HBM: variants seen among roughly 807,000 people sequenced by gnomAD.
The protein encoded by HBM is alpha globin pseudogene 2.
Under a neutral mutation model 12.8 loss-of-function variants are expected in HBM, and 9 were observed. The observed-to-expected ratio is 0.70, with a 90% confidence interval of 0.42 to 1.23. HBM has a LOEUF of 1.23. HBM is among the 50% of genes most tolerant of loss of function. The pLI is 0.00. For synonymous variants in HBM, 100 were observed against 92.0 expected (o/e 1.09, Z -0.50); for missense variants, 214 against 195.4 (o/e 1.10, Z -0.57).
intron 1 of HBM, 29 bp downstream of exon 1, chr16:166,118 C>G: frequency 1.3e-6 from 2 of 1,562,636 alleles, no homozygotes; most frequent in South Asian, 1.1e-5. Context: ...TCCGGGAGCT[C>G]AGGGAGGTGG....
In HBM at chr16:166,075, G is replaced by T. The variant is rs1165576652; in HGVS notation, c.78G>T (p.Ala26=). Residue 26 remains alanine (A), a synonymous_variant, in exon 1 of 3, where the codon GCG becomes GCT. Transcript: ENST00000356815. ...LIAGHEAQFG[A]ELLLRLFTVY... ...CGGGCCACGAGGCGCAATTCGGGGC[G>T]GAGCTGCTGCTCAGGTCGGTAGAGG... The T allele has an allele frequency of 6.2e-7, 1 of 1,603,196 alleles. No individual in the cohort carries two copies. The highest frequency in any genetic ancestry group is 1.1e-5 in the South Asian group (1 of 90,350).
chr16:166,635 C>A lies in HBM; in HGVS notation c.353C>A (p.Thr118Asn). ...VLASHLQDEF[T>N]VQMQAAWDKF... ...GCCTCCCACCTGCAGGACGAGTTCA[C>A]CGTGCAAATGCAAGCGGCGTGGGAC... Residue 118 changes from threonine (T) to asparagine (N), a missense_variant, in exon 3 of 3, where the codon ACC becomes AAC. Coordinates refer to ENST00000356815, the MANE Select transcript of HBM (RefSeq NM_001003938.4). The A allele has an allele frequency of 6.2e-7, 1 of 1,614,122 alleles. No individual in the cohort carries two copies. The highest frequency in any genetic ancestry group is 1.1e-5 in the South Asian group (1 of 91,068).
Position 166,678 on chromosome 16 carries a change from G to A in HBM, c.396G>A (p.Val132=), listed in dbSNP as rs150128912. 535 of 1,614,146 alleles carry A rather than the reference G, an allele frequency of 3.3e-4. 1 individual carries two copies. In the African/African-American group the frequency reaches 5.7e-3, roughly 17 times the overall value. ...QAAWDKFLTG[V]AVVLTEKYR is the part of the protein sequence containing the mutation. ...CGTGGGACAAGTTCCTGACTGGTGTGGCCGTGGTGCTGACCGAAAAATACC... is the reference window on the plus strand; with the variant it reads ...CGTGGGACAAGTTCCTGACTGGTGTAGCCGTGGTGCTGACCGAAAAATACC... The change falls in exon 3 of 3, where the codon GTG becomes GTA. Residue 132 remains valine, a synonymous_variant. Transcript: ENST00000356815.
In HBM at chr16:166,383, G is replaced by A; in HGVS notation, c.208G>A (p.Val70Met). 6.4e-7 allele frequency: 1 copy of A among 1,574,140 alleles called. No individual in the cohort carries two copies. The highest frequency in any genetic ancestry group is 1.3e-5 in the African/African-American group (1 of 74,392). The change falls in exon 2 of 3, where the codon GTG (valine) becomes ATG (methionine). Residue 70 changes from valine to methionine, a missense_variant. Transcript: ENST00000356815. ...QRMLAAVGAAVQHVDNLRAAL... is the reference protein window; with the variant it reads ...QRMLAAVGAAMQHVDNLRAAL... ...CATGCTGGCGGCTGTGGGCGCGGCG[G>A]TGCAGCACGTGGACAACCTGCGCGC...
rs1331025844 is a variant in HBM, at chr16:166,309, A to G, written c.134A>G (p.His45Arg). ...CCCAGCACCAAGGTCTACTTCCCGC[A>G]CCTGAGCGCCTGCCAGGACGCGACG... ...VYPSTKVYFP[H>R]LSACQDATQL... Residue 45 changes from histidine (H) to arginine (R), a missense_variant, in exon 2 of 3, where the codon CAC becomes CGC. Coordinates refer to ENST00000356815, the MANE Select transcript of HBM (RefSeq NM_001003938.4). The G allele has an allele frequency of 6.3e-7, 1 of 1,595,170 alleles. No individual in the cohort carries two copies. The highest frequency in any genetic ancestry group is 2.2e-5 in the East Asian group (1 of 44,622).
chr16:166,058 G>C lies in HBM; in HGVS notation c.61G>C (p.Glu21Gln), dbSNP rs565889459. The C allele has an allele frequency of 1.9e-6, 3 of 1,603,662 alleles. No individual in the cohort carries two copies. In the South Asian group the frequency reaches 3.3e-5, roughly 18 times the overall value. ...GGTCTGGGACCTGATTGCGGGCCAC[G>C]AGGCGCAATTCGGGGCGGAGCTGCT... ...AQVWDLIAGH[E>Q]AQFGAELLLR... Residue 21 changes from glutamate (E) to glutamine (Q), a missense_variant, in exon 1 of 3, where the codon GAG (glutamate) becomes CAG (glutamine). Transcript: ENST00000356815.
intron 2 of HBM, 36 bp downstream of exon 2, chr16:166,508 G>A (rs1198232160): frequency 1.3e-6 from 2 of 1,565,902 alleles, no homozygotes; most frequent in East Asian, 2.4e-5. Flanking sequence ...GGTGCAGCGC[G>A]CAGCCGGGGT....
rs1286419629 is a variant in HBM, at chr16:166,277, G to A, written c.102G>A (p.Thr34=). Residue 34 remains threonine (T), a synonymous_variant, in exon 2 of 3, where the codon ACG becomes ACA. Coordinates refer to ENST00000356815, the MANE Select transcript of HBM (RefSeq NM_001003938.4). ...FGAELLLRLF[T]VYPSTKVYFP... is the part of the protein sequence containing the mutation. Reference sequence around the variant, plus strand: ...TGACCTGGTCCTGCAGGCTCTTCACGGTGTACCCCAGCACCAAGGTCTACT... The same window carrying A: ...TGACCTGGTCCTGCAGGCTCTTCACAGTGTACCCCAGCACCAAGGTCTACT... 1.3e-6 allele frequency: 2 copies of A among 1,593,918 alleles called. No individual in the cohort carries two copies. The highest frequency in any genetic ancestry group is 1.7e-6 in the Non-Finnish European group (2 of 1,177,984).
At position 166,368 on chromosome 16, in the gene HBM, G is replaced by T. The variant is rs200995285; in HGVS notation, c.193G>T (p.Ala65Ser). The change falls in exon 2 of 3, where the codon GCT becomes TCT. Residue 65 changes from alanine (A) to serine (S), a missense_variant. Transcript: ENST00000356815. The part of the protein sequence containing the change: ...LLSHGQRMLA[A>S]VGAAVQHVDN... The stretch of plus-strand genomic sequence containing the variant: ...GAGCCACGGGCAGCGCATGCTGGCG[G>T]CTGTGGGCGCGGCGGTGCAGCACGT... 2,176 of 1,584,996 alleles carry T rather than the reference G, an allele frequency of 1.4e-3. 1 individual carries two copies. The highest frequency in any genetic ancestry group is 1.8e-3 in the Admixed American group (107 of 58,280).
At position 166,347 on chromosome 16, in the gene HBM, C is replaced by T. The variant is rs200832843; in HGVS notation, c.172C>T (p.His58Tyr). The T allele has an allele frequency of 1.3e-6, 2 of 1,593,488 alleles. No individual in the cohort carries two copies. Among genetic ancestry groups the T allele is most frequent in the East Asian group, 2.2e-5 (1 of 44,482 alleles). Residue 58 changes from histidine (H) to tyrosine (Y), a missense_variant, in exon 2 of 3, where the codon CAC becomes TAC. His to Tyr is a moderately conservative substitution (Grantham distance 83). Transcript: ENST00000356815. ...CCAGGACGCGACGCAGCTGCTGAGC[C>T]ACGGGCAGCGCATGCTGGCGGCTGT... Reference protein sequence around the residue: ...ACQDATQLLSHGQRMLAAVGA... With the variant: ...ACQDATQLLSYGQRMLAAVGA...
chr16:166,746 TAAAC>T lies in HBM; in HGVS notation c.*40_*43del. 1.2e-6 allele frequency: 2 copies of T among 1,610,126 alleles called. No individual in the cohort carries two copies. The highest frequency in any genetic ancestry group is 1.7e-6 in the Non-Finnish European group (2 of 1,178,046). Reference sequence around the variant, plus strand: ...GCAGGCCTTGGTCTGTGCCTGTCAATAAACAGAGGCCCGAACCATCTGCCCCTGC... The same window carrying T: ...GCAGGCCTTGGTCTGTGCCTGTCAATAGAGGCCCGAACCATCTGCCCCTGC... On this transcript the variant is annotated 3_prime_UTR_variant, in exon 3 of 3. Coordinates refer to ENST00000356815, the MANE Select transcript of HBM (RefSeq NM_001003938.4).
rs199586666 is a variant in HBM at position 166,637 on chromosome 16, G to A, written c.355G>A (p.Val119Met). 4.3e-5 allele frequency: 70 copies of A among 1,614,102 alleles called. No individual in the cohort carries two copies. In the Admixed American group the frequency reaches 7.2e-4, roughly 17 times the overall value. ...LASHLQDEFT[V>M]QMQAAWDKFL... is the part of the protein sequence containing the mutation. Reference sequence around the variant, plus strand: ...CTCCCACCTGCAGGACGAGTTCACCGTGCAAATGCAAGCGGCGTGGGACAA... The same window carrying A: ...CTCCCACCTGCAGGACGAGTTCACCATGCAAATGCAAGCGGCGTGGGACAA... Residue 119 changes from valine (V) to methionine (M), a missense_variant, in exon 3 of 3, where the codon GTG (valine) becomes ATG (methionine). Coordinates refer to ENST00000356815, the MANE Select transcript of HBM (RefSeq NM_001003938.4).
In HBM at chr16:166,103, G is replaced by A. The variant is rs767498503; in HGVS notation, c.92+14G>A. 11 of 1,585,030 alleles carry A rather than the reference G, an allele frequency of 6.9e-6. 1 individual carries two copies. In the South Asian group the frequency reaches 1.1e-4, roughly 16 times the overall value. On this transcript the variant is annotated intron_variant, in intron 1 of 2. Transcript: ENST00000356815. ...GCTGCTGCTCAGGTCGGTAGAGGCG[G>A]GGTCTCCGGGAGCTCAGGGAGGTGG...
Position 166,658 on chromosome 16 carries a change from G to A in HBM, c.376G>A (p.Asp126Asn). 1 of 1,614,174 alleles carries A rather than the reference G, an allele frequency of 6.2e-7. No homozygotes were observed. Among genetic ancestry groups the A allele is most frequent in the Non-Finnish European group, 8.5e-7 (1 of 1,180,012 alleles). The change falls in exon 3 of 3, where the codon GAC becomes AAC. Residue 126 changes from aspartate to asparagine, a missense_variant. Physicochemically the swap from Asp to Asn is conservative, Grantham distance 23 (BLOSUM62 1). Transcript: ENST00000356815. ...EFTVQMQAAWDKFLTGVAVVL... is the reference protein window; with the variant it reads ...EFTVQMQAAWNKFLTGVAVVL... ...CACCGTGCAAATGCAAGCGGCGTGG[G>A]ACAAGTTCCTGACTGGTGTGGCCGT...
chr16:166,242 C>T (rs1339145940), intron 1 of HBM, 26 bp from the exon 2 acceptor site: 12 of 1,572,754 alleles, frequency 7.6e-6, no homozygotes, highest in Middle Eastern at 1.7e-4. Flanking sequence ...CCGCCCTCCT[C>T]CCCGGTCACT....
intron 2 of HBM, 31 bp downstream of exon 2, chr16:166,503 A>G: frequency 6.6e-7 from 1 of 1,524,976 alleles, no homozygotes; most frequent in Non-Finnish European, 8.9e-7. Flanking sequence ...GCAATGGTGC[A>G]GCGCGCAGCC....
intron 1 of HBM, 64 bp from the exon 2 acceptor site, chr16:166,204 G>T: frequency 6.7e-7 from 1 of 1,489,654 alleles, no homozygotes; most frequent in Non-Finnish European, 9.1e-7. Context: ...GCTCTGGGCG[G>T]TGTGGGCGCT....
chr16:165,992 G>A lies in HBM; in HGVS notation c.-6G>A. The A allele has an allele frequency of 6.4e-7, 1 of 1,573,902 alleles. No individual in the cohort carries two copies. The highest frequency in any genetic ancestry group is 8.6e-7 in the Non-Finnish European group (1 of 1,166,214). On this transcript the variant is annotated 5_prime_UTR_variant, in exon 1 of 3. Coordinates refer to ENST00000356815, the MANE Select transcript of HBM (RefSeq NM_001003938.4). ...GCGCGGCCCCCAGAGCACGTCAGGCGGCGCCATGCTCAGCGCCCAGGAGCG... is the reference window on the plus strand; with the variant it reads ...GCGCGGCCCCCAGAGCACGTCAGGCAGCGCCATGCTCAGCGCCCAGGAGCG...
In HBM at chr16:166,582, G is replaced by A. The variant is rs1567161721; in HGVS notation, c.300G>A (p.Leu100=). 1 of 1,613,318 alleles carries A rather than the reference G, an allele frequency of 6.2e-7. No homozygotes were observed. The highest frequency in any genetic ancestry group is 1.3e-5 in the African/African-American group (1 of 75,062). The part of the protein sequence containing the change: ...VLRVDPANFP[L]LIQCFHVVLA... The stretch of plus-strand genomic sequence containing the variant: ...CTCACCGGCCCCTTCTCCTGCAGCT[G>A]CTAATCCAGTGTTTCCACGTCGTGC... Residue 100 remains leucine (L), a splice_region_variant and synonymous_variant, in exon 3 of 3, where the codon CTG becomes CTA. Transcript: ENST00000356815.
Sources: gnomAD v4.1 joint callset for allele counts on GRCh38, gnomAD v4.1.1 for gene constraint, MANE v1.5 for transcripts, NCBI Gene and HGNC (gene_info 2026-07-23, HGNC 2026-07-21) for gene names.